The following CTNNA3 variants were observed in gnomAD, a reference collection of about 807,000 sequenced individuals.
CTNNA3 encodes catenin alpha 3, also known as catenin alpha-3.
CTNNA3 carries 76 observed loss-of-function variants against 95.7 expected under a neutral mutation model. The observed-to-expected ratio is 0.79, with a 90% confidence interval of 0.66 to 0.96. The LOEUF (loss-of-function observed/expected upper bound fraction) is 0.96. Among genes scored for constraint, CTNNA3 ranks in the 40% least tolerant of loss-of-function variants. CTNNA3 has a pLI of 0.00. For missense variants in CTNNA3, 1,191 were observed against 1,089.8 expected, an observed-to-expected ratio of 1.09 and a Z score of -1.31; for synonymous variants, 431 against 374.4, an observed-to-expected ratio of 1.15 and a Z score of -1.74.
At chr10:66,485,104 T>C (rs1228685277) in intron 11 of CTNNA3, among the ~76,000 whole-genome samples, 2 of 152,094 alleles carry the variant, frequency 1.3e-5, no homozygotes, top group Non-Finnish European at 2.9e-5. Context: ...ATAGGCCATA[T>C]AAAAGAAGCC....
At chr10:66,821,335 T>TCCCCC (rs552348695) in intron 7 of CTNNA3, among the ~76,000 whole-genome samples, 154 of 152,246 alleles carry the variant, frequency 1.0e-3, no homozygotes, top group African/African-American at 3.4e-3. Flanking sequence ...TGCCAGCAGG[T>TCCCCC]CCCTTGTCTT....
At chr10:66,663,047 T>C (rs1589090239) in intron 9 of CTNNA3, among the ~76,000 whole-genome samples, 1 of 152,202 alleles carries the variant, frequency 6.6e-6, no homozygotes, top group Admixed American at 6.5e-5. Context: ...CTCCAGGAGC[T>C]GAATCCAATG....
At chr10:66,360,196 ACTT>A (rs982200645) in intron 12 of CTNNA3, among the ~76,000 whole-genome samples, 1 of 103,824 alleles carries the variant, frequency 9.6e-6, no homozygotes, top group Non-Finnish European at 2.7e-5. Context: ...AAAACACTGA[ACTT>A]TTTTTTTTTT....
intron 13 of CTNNA3, among the ~76,000 whole-genome samples, chr10:66,258,380 C>A (rs138312365): frequency 4.0e-4 from 61 of 152,282 alleles, no homozygotes; most frequent in African/African-American, 1.4e-3. Flanking sequence ...AGGAACTAAA[C>A]AACAGCTTCT....
chr10:66,390,959 A>G (rs560409028), intron 11 of CTNNA3, among the ~76,000 whole-genome samples: 5 of 152,282 alleles, frequency 3.3e-5, no homozygotes, highest in African/African-American at 1.2e-4. Context: ...TGTAGACGAT[A>G]TAAAAGATAA....
chr10:66,051,299 C>A (rs936412762), intron 15 of CTNNA3, among the ~76,000 whole-genome samples: 6 of 152,192 alleles, frequency 3.9e-5, no homozygotes, highest in African/African-American at 1.2e-4. Context: ...AATACATGAT[C>A]ATGAAATATT....
At chr10:67,639,206 C>T (rs1220967295) in intron 2 of CTNNA3, among the ~76,000 whole-genome samples, 1 of 152,086 alleles carries the variant, frequency 6.6e-6, no homozygotes, top group Non-Finnish European at 1.5e-5. Context: ...TACAAACTAC[C>T]ATCAGAGAAT....
At chr10:66,441,927 A>G (rs1228224782) in intron 11 of CTNNA3, among the ~76,000 whole-genome samples, 1 of 152,216 alleles carries the variant, frequency 6.6e-6, no homozygotes, top group East Asian at 1.9e-4. Flanking sequence ...TCTAAAATAG[A>G]AACTCTTGCA....
At chr10:66,415,062 C>A in intron 11 of CTNNA3, among the ~76,000 whole-genome samples, 1 of 152,104 alleles carries the variant, frequency 6.6e-6, no homozygotes, top group East Asian at 1.9e-4. Context: ...CACCCTCAAC[C>A]CCCACTGGCA....
intron 9 of CTNNA3, among the ~76,000 whole-genome samples, chr10:66,639,080 C>T (rs983296271): frequency 2.0e-5 from 3 of 151,902 alleles, no homozygotes; most frequent in East Asian, 3.9e-4. Context: ...TTTATATCTA[C>T]GTTTAGTAAA....
chr10:66,893,818 G>A (rs1465833265), intron 7 of CTNNA3, among the ~76,000 whole-genome samples: 2 of 152,110 alleles, frequency 1.3e-5, no homozygotes, highest in Admixed American at 1.3e-4. Context: ...AAAGAACACA[G>A]ATAATCAAGA....
intron 11 of CTNNA3, among the ~76,000 whole-genome samples, chr10:66,385,619 C>A (rs1201251616): frequency 6.6e-6 from 1 of 152,116 alleles, no homozygotes; most frequent in African/African-American, 2.4e-5. Context: ...GATACCAAAG[C>A]CTGGCAGAGA....
chr10:65,939,452 C>G (rs1325859195), intron 17 of CTNNA3, among the ~76,000 whole-genome samples: 1 of 152,166 alleles, frequency 6.6e-6, no homozygotes, highest in African/African-American at 2.4e-5. Flanking sequence ...GACTAGATTT[C>G]TGTCTTTAAA....
chr10:67,664,877 A>G (rs1042493844), intron 1 of CTNNA3, among the ~76,000 whole-genome samples: 1 of 152,144 alleles, frequency 6.6e-6, no homozygotes, highest in Non-Finnish European at 1.5e-5. Flanking sequence ...TTGCTTTACC[A>G]ATTCTCTGTT....
At chr10:67,758,323 TACAC>T (rs3059974) in intron 1 of CTNNA3, among the ~76,000 whole-genome samples, 19,049 of 143,224 alleles carry the variant, frequency 0.13, 1,377 homozygotes, top group East Asian at 0.26. Flanking sequence ...TAAATATATA[TACAC>T]ACACACACAC....
At chr10:67,305,053 G>A (rs563626027) in intron 5 of CTNNA3, among the ~76,000 whole-genome samples, 94 of 152,224 alleles carry the variant, frequency 6.2e-4, no homozygotes, top group Admixed American at 3.1e-3. Flanking sequence ...GAGGTGGGCG[G>A]ATCACGAAGT....
At chr10:66,445,926 T>G (rs994523982) in intron 11 of CTNNA3, among the ~76,000 whole-genome samples, 1 of 151,604 alleles carries the variant, frequency 6.6e-6, no homozygotes, top group Non-Finnish European at 1.5e-5. Context: ...TAGACCGCTA[T>G]CAAGGCTAAG....
intron 2 of CTNNA3, among the ~76,000 whole-genome samples, chr10:67,611,649 C>T (rs553142751): frequency 1.3e-3 from 196 of 152,252 alleles, no homozygotes; most frequent in African/African-American, 4.5e-3. Context: ...ACTTGGGTAA[C>T]ACAATTATAT....
chr10:66,838,980 G>A (rs978717959), intron 7 of CTNNA3, among the ~76,000 whole-genome samples: 2 of 151,982 alleles, frequency 1.3e-5, no homozygotes, highest in African/African-American at 4.8e-5. Flanking sequence ...TTTCTCTTTG[G>A]CGAAGACTTT....
Sources: gnomAD v4.1 joint callset for allele counts (sites outside exome capture counted in the v4.1 genomes callset) on GRCh38, gnomAD v4.1.1 for gene constraint, MANE v1.5 for transcripts, NCBI Gene and HGNC (gene_info 2026-07-23, HGNC 2026-07-21) for gene names.